Variants in DHX35 observed in about 807,000 individuals in gnomAD.
The protein encoded by DHX35 is DEAH-box helicase 35.
In DHX35, 84 loss-of-function variants were observed where a neutral mutation model predicts 99.6. That is an observed-to-expected ratio of 0.84 (90% CI 0.71 to 1.01). DHX35 has a LOEUF of 1.01. DHX35 is among the 50% of genes least tolerant of loss of function. The pLI is 0.00. For missense variants in DHX35, 852 were observed against 888.5 expected (o/e 0.96, Z 0.52); for synonymous variants, 331 against 316.2 (o/e 1.05, Z -0.50).
intron 14 of DHX35, 112 bp downstream of exon 14, chr20:39,015,046 C>T (rs2086762140): frequency 8.2e-7 from 1 of 1,213,342 alleles, no homozygotes; most frequent in African/African-American, 1.5e-5. Flanking sequence ...GATTGGTTCT[C>T]CCCATATATA....
chr20:39,027,229 A>G (rs1224379439), intron 18 of DHX35, among the ~76,000 whole-genome samples: 1 of 152,248 alleles, frequency 6.6e-6, no homozygotes, highest in African/African-American at 2.4e-5. Flanking sequence ...TTGAGATTTT[A>G]TCAGCTCAGT....
chr20:39,000,022 G>A (rs1051097135), intron 8 of DHX35, among the ~76,000 whole-genome samples: 5 of 152,216 alleles, frequency 3.3e-5, no homozygotes, highest in African/African-American at 1.2e-4. Flanking sequence ...TGTCCATTTT[G>A]CAGATGAGAG....
intron 2 of DHX35, among the ~76,000 whole-genome samples, chr20:38,971,999 G>GTTTTTTTT (rs1335391217): frequency 3.9e-5 from 4 of 102,994 alleles, no homozygotes; most frequent in East Asian, 3.1e-4. Flanking sequence ...TTTTTGTTTT[G>GTTTTTTTT]TTTTGTTTTT....
chr20:39,010,183 C>G (rs558768198), intron 12 of DHX35, 97 bp from the exon 13 acceptor site: 2 of 1,547,840 alleles, frequency 1.3e-6, no homozygotes, highest in East Asian at 2.3e-5. Flanking sequence ...TCCTAGAGAC[C>G]CTTGTTCAAG....
intron 8 of DHX35, among the ~76,000 whole-genome samples, chr20:38,998,110 C>A (rs1378355903): frequency 6.6e-6 from 1 of 152,212 alleles, no homozygotes; most frequent in Non-Finnish European, 1.5e-5. Flanking sequence ...TATCTGCTTT[C>A]TTAATGTAAG....
chr20:39,002,721 G>A (rs2086541064), intron 9 of DHX35, 51 bp from the exon 10 acceptor site: 1 of 1,530,956 alleles, frequency 6.5e-7, no homozygotes, highest in Non-Finnish European at 9.0e-7. Context: ...TAATTGATCT[G>A]TAATTAATGA....
chr20:39,006,123 TC>T, intron 11 of DHX35, 22 bp from the exon 12 acceptor site: 1 of 1,601,664 alleles, frequency 6.2e-7, no homozygotes. Context: ...TGAGTTTTAT[TC>T]TTCTTTCTGT....
chr20:38,987,482 G>A (rs576759223), intron 4 of DHX35, among the ~76,000 whole-genome samples: 4 of 152,142 alleles, frequency 2.6e-5, no homozygotes, highest in Non-Finnish European at 5.9e-5. Flanking sequence ...GACCTCAGGT[G>A]ATTTGCCTCC....
intron 1 of DHX35, among the ~76,000 whole-genome samples, chr20:38,968,033 T>C (rs2085935329): frequency 6.6e-6 from 1 of 152,164 alleles, no homozygotes; most frequent in South Asian, 2.1e-4. Context: ...ACCAAGTTAC[T>C]TTCCACTGAG....
intron 8 of DHX35, among the ~76,000 whole-genome samples, chr20:39,000,820 A>G (rs2086507198): frequency 6.6e-6 from 1 of 152,094 alleles, no homozygotes; most frequent in Non-Finnish European, 1.5e-5. Context: ...CCAGATTCAA[A>G]TAATGGAGCA....
Position 39,006,131 on chromosome 20 carries a change from C to G in DHX35, c.1012-15C>G. On this transcript the variant is annotated splice_polypyrimidine_tract_variant and intron_variant, in intron 11 of 21. Transcript: ENST00000252011. ...AATAAAATGAGTTTTATTCTTCTTT[C>G]TGTGGGGAACGTAGGTGATAGTGGC... 1 of 1,603,148 alleles carries G rather than the reference C, an allele frequency of 6.2e-7. No homozygotes were observed. Among genetic ancestry groups the G allele is most frequent in the Non-Finnish European group, 8.5e-7 (1 of 1,171,034 alleles).
At chr20:38,966,761 A>G (rs1373249171) in intron 1 of DHX35, among the ~76,000 whole-genome samples, 1 of 152,266 alleles carries the variant, frequency 6.6e-6, no homozygotes, top group East Asian at 1.9e-4. Context: ...AAAATATTCC[A>G]GAGAGGATAT....
chr20:39,014,160 A>G (rs978421397), intron 13 of DHX35, among the ~76,000 whole-genome samples: 2 of 152,250 alleles, frequency 1.3e-5, no homozygotes, highest in South Asian at 4.1e-4. Flanking sequence ...AAAACATCCT[A>G]TGCAGTTTAA....
chr20:38,965,579 A>G (rs1193631934), intron 1 of DHX35, among the ~76,000 whole-genome samples: 2 of 152,222 alleles, frequency 1.3e-5, no homozygotes, highest in South Asian at 4.1e-4. Context: ...AGTTGTACTC[A>G]GGTCCACCTA....
At position 39,021,945 on chromosome 20, in the gene DHX35, C is replaced by T. The variant is rs1315156765; in HGVS notation, c.1593+10C>T. 8.1e-6 allele frequency: 13 copies of T among 1,613,724 alleles called. No homozygotes were observed. Among genetic ancestry groups the T allele is most frequent in the African/African-American group, 1.3e-5 (1 of 74,922 alleles). On this transcript the variant is annotated intron_variant, in intron 16 of 21. Coordinates refer to ENST00000252011, the MANE Select transcript of DHX35 (RefSeq NM_021931.4). ...CCAGAAGTCTCACGCAGTAAGTCAGCTCTGTCCCCAGGCTGTCTGTACCAG... is the reference window on the plus strand; with the variant it reads ...CCAGAAGTCTCACGCAGTAAGTCAGTTCTGTCCCCAGGCTGTCTGTACCAG...
intron 20 of DHX35, among the ~76,000 whole-genome samples, chr20:39,032,035 C>T (rs752202831): frequency 7.2e-4 from 110 of 152,086 alleles, no homozygotes; most frequent in Non-Finnish European, 1.2e-3. Flanking sequence ...TTATGTTTGT[C>T]CAATTTAATA....
intron 13 of DHX35, among the ~76,000 whole-genome samples, chr20:39,013,407 G>A (rs2086734119): frequency 6.6e-6 from 1 of 152,170 alleles, no homozygotes; most frequent in African/African-American, 2.4e-5. Flanking sequence ...AAAACATGTA[G>A]TGAGAAGACC....
intron 8 of DHX35, among the ~76,000 whole-genome samples, chr20:39,001,269 C>T (rs556801338): frequency 3.3e-5 from 5 of 152,180 alleles, no homozygotes; most frequent in Non-Finnish European, 7.3e-5. Flanking sequence ...GGGCCGGAAA[C>T]ACACCTACTG....
chr20:38,996,761 G>T (rs1004701016), intron 8 of DHX35, among the ~76,000 whole-genome samples: 1 of 152,040 alleles, frequency 6.6e-6, no homozygotes, highest in Non-Finnish European at 1.5e-5. Flanking sequence ...CTTTCCACAG[G>T]CTGTAGGAGT....
Sources: gnomAD v4.1 joint callset for allele counts (sites outside exome capture counted in the v4.1 genomes callset) on GRCh38, gnomAD v4.1.1 for gene constraint, MANE v1.5 for transcripts, NCBI Gene and HGNC (gene_info 2026-07-23, HGNC 2026-07-21) for gene names.